FHIT: variants seen among roughly 807,000 people sequenced by gnomAD.
The protein encoded by FHIT is bis(5'-adenosyl)-triphosphatase.
Under a neutral mutation model 17.9 loss-of-function variants are expected in FHIT, and 19 were observed. The ratio of observed to expected loss-of-function variants is 1.06; its 90% CI spans 0.74 to 1.56. The LOEUF (loss-of-function observed/expected upper bound fraction) is 1.56. FHIT is among the 40% of genes most tolerant of loss of function. The probability of loss-of-function intolerance (pLI) is 0.00; values close to 1 mark genes in which losing one functional copy is unlikely to be tolerated. For missense variants in FHIT, 248 were observed against 189.2 expected, an observed-to-expected ratio of 1.31 and a Z score of -1.82; for synonymous variants, 81 against 69.7, an observed-to-expected ratio of 1.16 and a Z score of -0.81.
intron 5 of FHIT, among the ~76,000 whole-genome samples, chr3:60,316,976 C>G (rs1247850476): frequency 6.6e-6 from 1 of 152,090 alleles, no homozygotes; most frequent in Non-Finnish European, 1.5e-5. Flanking sequence ...GACCCAAGAA[C>G]TAGGATTTTA....
At chr3:60,381,768 C>T (rs1299931721) in intron 5 of FHIT, among the ~76,000 whole-genome samples, 2 of 151,282 alleles carry the variant, frequency 1.3e-5, no homozygotes, top group Non-Finnish European at 2.9e-5. Context: ...TTCTCCTATC[C>T]TCTACATGGA....
At chr3:61,124,495 A>T (rs1022881293) in intron 2 of FHIT, among the ~76,000 whole-genome samples, 6 of 152,096 alleles carry the variant, frequency 3.9e-5, no homozygotes, top group Admixed American at 2.6e-4. Flanking sequence ...ATTAATACAT[A>T]TTCTCATGGT....
At chr3:60,794,646 G>C (rs567072777) in intron 4 of FHIT, among the ~76,000 whole-genome samples, 2 of 152,108 alleles carry the variant, frequency 1.3e-5, no homozygotes, top group Admixed American at 1.3e-4. Flanking sequence ...AGATACTTTC[G>C]TACTTGAGGA....
At chr3:60,641,927 G>A (rs2039734487) in intron 4 of FHIT, among the ~76,000 whole-genome samples, 2 of 151,920 alleles carry the variant, frequency 1.3e-5, no homozygotes. Flanking sequence ...AGTATCCTGG[G>A]CCTAAAAAAG....
chr3:61,154,541 C>G (rs1348058793), intron 2 of FHIT, among the ~76,000 whole-genome samples: 1 of 152,122 alleles, frequency 6.6e-6, no homozygotes, highest in African/African-American at 2.4e-5. Flanking sequence ...TTGCTACCCC[C>G]TAAAATATTC....
intron 8 of FHIT, among the ~76,000 whole-genome samples, chr3:59,851,378 T>C (rs1168106304): frequency 6.6e-6 from 1 of 152,220 alleles, no homozygotes; most frequent in Non-Finnish European, 1.5e-5. Flanking sequence ...ATGCTAAGTA[T>C]TTCATATCCA....
At chr3:60,639,058 A>C (rs1553684701) in intron 4 of FHIT, among the ~76,000 whole-genome samples, 2 of 147,764 alleles carry the variant, frequency 1.4e-5, no homozygotes, top group African/African-American at 5.0e-5. Flanking sequence ...CAAGGCATGC[A>C]AGATTCAAGC....
At chr3:60,722,784 G>A (rs9830971) in intron 4 of FHIT, among the ~76,000 whole-genome samples, 2,754 of 148,630 alleles carry the variant, frequency 0.019, 106 homozygotes, top group African/African-American at 0.064. Flanking sequence ...ATGCAGTGGC[G>A]CGATCTCGGC....
At chr3:60,952,897 C>A (rs1553777643) in intron 3 of FHIT, among the ~76,000 whole-genome samples, 1 of 152,190 alleles carries the variant, frequency 6.6e-6, no homozygotes, top group African/African-American at 2.4e-5. Context: ...TAGGTTTTGC[C>A]ACTTCTTTGA....
chr3:59,787,521 C>T (rs1239534843), intron 8 of FHIT, among the ~76,000 whole-genome samples: 2 of 119,804 alleles, frequency 1.7e-5, no homozygotes, highest in African/African-American at 5.9e-5. Flanking sequence ...CACACACACA[C>T]ACACACACGT....
chr3:60,795,645 G>T lies in FHIT; in HGVS notation c.-18+26274C>A, dbSNP rs142689308. On this transcript the variant is annotated intron_variant, in intron 4 of 9. Coordinates refer to ENST00000492590, the MANE Select transcript of FHIT (RefSeq NM_002012.4). ...TCCTCCCACCTTAGCCTCTTGAGTA[G>T]TTGGGACTACTGGCATGCGCCACTA... Among the ~76,000 whole-genome samples, 170 of 152,170 alleles carry T rather than the reference G, an allele frequency of 1.1e-3. 1 individual carries two copies. The highest frequency in any genetic ancestry group is 4.0e-3 in the African/African-American group (166 of 41,522).
intron 8 of FHIT, among the ~76,000 whole-genome samples, chr3:59,880,246 C>G (rs1296076872): frequency 6.6e-6 from 1 of 152,158 alleles, no homozygotes; most frequent in Non-Finnish European, 1.5e-5. Flanking sequence ...CAAGCGCCTT[C>G]CCTCCCCAAG....
At chr3:60,221,933 T>C (rs1365024134) in intron 5 of FHIT, among the ~76,000 whole-genome samples, 2 of 152,064 alleles carry the variant, frequency 1.3e-5, no homozygotes, top group East Asian at 3.9e-4. Flanking sequence ...TTATCAACTA[T>C]CCCTATATAA....
intron 3 of FHIT, among the ~76,000 whole-genome samples, chr3:60,845,611 G>A (rs1259543773): frequency 1.3e-5 from 2 of 151,894 alleles, no homozygotes; most frequent in Non-Finnish European, 2.9e-5. Flanking sequence ...GAACCACATG[G>A]GGCCCCAGAA....
chr3:60,324,519 A>G (rs1440723234), intron 5 of FHIT, among the ~76,000 whole-genome samples: 1 of 147,014 alleles, frequency 6.8e-6, no homozygotes, highest in Middle Eastern at 3.5e-3. Context: ...CAGGAGGCGG[A>G]GCTTGCAGTG....
intron 5 of FHIT, among the ~76,000 whole-genome samples, chr3:60,201,834 T>C (rs78115745): frequency 0.17 from 21,529 of 129,166 alleles, 1,738 homozygotes; most frequent in East Asian, 0.37. Context: ...AAACTTCTTT[T>C]GGAGTCTCAG....
chr3:61,189,665 G>A (rs1223453531), intron 2 of FHIT, among the ~76,000 whole-genome samples: 21 of 152,102 alleles, frequency 1.4e-4, no homozygotes, highest in South Asian at 4.2e-4. Context: ...GAGGCATCAC[G>A]CTACCTGACT....
rs57484446 is a variant in FHIT at position 60,794,744 on chromosome 3, A to C, written c.-18+27175T>G. On this transcript the variant is annotated intron_variant, in intron 4 of 9. Coordinates refer to ENST00000492590, the MANE Select transcript of FHIT (RefSeq NM_002012.4). ...AATTTTCATAATGAGTCCGTAAATG[A>C]GTTTGATTTATAGTTTTCTATTCTG... 1.5e-3 allele frequency among the ~76,000 whole-genome samples: 234 copies of C among 152,308 alleles called. 2 individuals are homozygous for C. The highest frequency in any genetic ancestry group is 5.5e-3 in the African/African-American group (227 of 41,576).
intron 3 of FHIT, among the ~76,000 whole-genome samples, chr3:60,966,941 T>C (rs1709773473): frequency 6.6e-6 from 1 of 152,226 alleles, no homozygotes; most frequent in Non-Finnish European, 1.5e-5. Flanking sequence ...GAGAGAATTA[T>C]CTCAGTAGAC....
Sources: allele counts gnomAD v4.1 joint callset (sites outside exome capture counted in the v4.1 genomes callset), GRCh38; gene constraint gnomAD v4.1.1; transcripts MANE v1.5; gene names NCBI Gene and HGNC (gene_info 2026-07-23, HGNC 2026-07-21).